CDIN1: variants seen among roughly 807,000 people sequenced by gnomAD.
CDIN1 encodes CDAN1 interacting nuclease 1, also known as CDAN1-interacting nuclease 1.
A neutral mutation model predicts 45.3 loss-of-function variants in CDIN1; 33 were observed. That is an observed-to-expected ratio of 0.73 (90% CI 0.55 to 0.97). The LOEUF is 0.97. Ranked by LOEUF, CDIN1 falls within the 50% of genes least tolerant of loss-of-function variation. CDIN1 has a pLI of 0.00. For synonymous variants in CDIN1, 118 were observed against 124.4 expected (o/e 0.95, Z 0.34); for missense variants, 303 against 339.4 (o/e 0.89, Z 0.84).
intron 10 of CDIN1, among the ~76,000 whole-genome samples, chr15:36,800,130 C>T (rs555001691): frequency 2.8e-4 from 42 of 152,088 alleles, no homozygotes; most frequent in African/African-American, 9.9e-4. Context: ...CATAAAGGCC[C>T]AAAGTGAATC....
chr15:36,662,670 T>A (rs1303082276), intron 5 of CDIN1, among the ~76,000 whole-genome samples: 1 of 152,110 alleles, frequency 6.6e-6, no homozygotes, highest in Admixed American at 6.5e-5. Context: ...CCTCTGCAGA[T>A]TGTCAAGAGC....
chr15:36,717,659 C>G (rs142229261), intron 10 of CDIN1, among the ~76,000 whole-genome samples: 5 of 152,026 alleles, frequency 3.3e-5, no homozygotes, highest in Non-Finnish European at 4.4e-5. Flanking sequence ...TTTCATTACT[C>G]TTGAGTAAAG....
intron 1 of CDIN1, chr15:36,627,169 CT>C: frequency 5.1e-6 from 1 of 196,608 alleles, no homozygotes; most frequent in Non-Finnish European, 1.1e-5. Context: ...CCTCTATGGC[CT>C]TGTTCCACTT....
rs943756931 is a variant in CDIN1 at position 36,709,924 on chromosome 15, G to A, written c.679G>A (p.Ala227Thr). ...ASFGDECSHH[A>T]YLHDQFWSYW... The stretch of plus-strand genomic sequence containing the variant: ...ATTTGGTGATGAATGTAGCCACCAC[G>A]CCTACCTGCATGACCAGTTCTGGAG... Residue 227 changes from alanine to threonine, a missense_variant, in exon 10 of 11, where the codon GCC (alanine) becomes ACC (threonine). Physicochemically the swap from Ala to Thr is moderately conservative, Grantham distance 58. Transcript: ENST00000566621. 3.7e-6 allele frequency: 6 copies of A among 1,613,086 alleles called. No individual in the cohort carries two copies. Among genetic ancestry groups the A allele is most frequent in the Non-Finnish European group, 5.1e-6 (6 of 1,179,376 alleles).
intron 10 of CDIN1, among the ~76,000 whole-genome samples, chr15:36,795,906 TG>T (rs60165139): frequency 1.6e-3 from 241 of 152,194 alleles, no homozygotes; most frequent in African/African-American, 5.6e-3. Context: ...CCATGTGAAA[TG>T]GTTCTTCCTG....
At chr15:36,761,045 A>AT (rs377559553) in intron 10 of CDIN1, among the ~76,000 whole-genome samples, 9 of 152,058 alleles carry the variant, frequency 5.9e-5, no homozygotes, top group African/African-American at 2.2e-4. Flanking sequence ...TTACTTTGAG[A>AT]TTTTTTGCCA....
At chr15:36,768,292 T>A (rs1049336131) in intron 10 of CDIN1, among the ~76,000 whole-genome samples, 12 of 152,202 alleles carry the variant, frequency 7.9e-5, no homozygotes, top group Admixed American at 7.2e-4. Flanking sequence ...AGTCCTAGGA[T>A]CCGTTTAGCT....
At chr15:36,788,091 TATATATATATA>T (rs1566973600) in intron 10 of CDIN1, among the ~76,000 whole-genome samples, 66 of 11,904 alleles carry the variant, frequency 5.5e-3, no homozygotes, top group South Asian at 0.013. Context: ...TATATATATA[TATATATATATA>T]TATATTTTTT....
chr15:36,720,310 G>A (rs954465237), intron 10 of CDIN1, among the ~76,000 whole-genome samples: 74 of 150,198 alleles, frequency 4.9e-4, no homozygotes, highest in African/African-American at 1.6e-3. Context: ...TAAGTTCTAG[G>A]GTACATGTGC....
chr15:36,739,049 T>C (rs2044135987), intron 10 of CDIN1, among the ~76,000 whole-genome samples: 2 of 152,202 alleles, frequency 1.3e-5, no homozygotes, highest in South Asian at 4.1e-4. Context: ...ACAAATCTAA[T>C]ATATATGCCA....
At chr15:36,782,289 C>T (rs946031277) in intron 10 of CDIN1, among the ~76,000 whole-genome samples, 1 of 152,020 alleles carries the variant, frequency 6.6e-6, no homozygotes, top group Admixed American at 6.6e-5. Context: ...TGTGGCTGCT[C>T]CCAAAAGGTG....
In CDIN1 at chr15:36,606,480, G is replaced by A. The variant is rs1045197875; in HGVS notation, c.101+26519G>A. 5.9e-5 allele frequency among the ~76,000 whole-genome samples: 9 copies of A among 152,188 alleles called. No homozygotes were observed. In the Middle Eastern group the frequency reaches 0.01, roughly 173 times the overall value. ...TAGAGGTGTACCCATAAAGAGATGCGGAAATGAAGCTTAGAAGGATTTCAT... is the reference window on the plus strand; with the variant it reads ...TAGAGGTGTACCCATAAAGAGATGCAGAAATGAAGCTTAGAAGGATTTCAT... On this transcript the variant is annotated intron_variant, in intron 1 of 10. Transcript: ENST00000566621.
intron 10 of CDIN1, among the ~76,000 whole-genome samples, chr15:36,800,909 G>GTGTGTGTA (rs1156514805): frequency 1.3e-4 from 3 of 22,390 alleles, no homozygotes; most frequent in South Asian, 4.3e-3. Flanking sequence ...GTGTGTGTGT[G>GTGTGTGTA]TATATATATA....
At chr15:36,733,619 T>C (rs1037922679) in intron 10 of CDIN1, among the ~76,000 whole-genome samples, 1 of 152,150 alleles carries the variant, frequency 6.6e-6, no homozygotes, top group African/African-American at 2.4e-5. Context: ...TCTGTTGTTA[T>C]TTTTTAAATC....
chr15:36,663,079 A>T (rs1466038378), intron 5 of CDIN1, among the ~76,000 whole-genome samples: 1 of 152,032 alleles, frequency 6.6e-6, no homozygotes, highest in Non-Finnish European at 1.5e-5. Flanking sequence ...CAAAGAAGAG[A>T]TGTGTTCTAG....
At chr15:36,588,431 G>A (rs1346539337) in intron 1 of CDIN1, among the ~76,000 whole-genome samples, 1 of 152,128 alleles carries the variant, frequency 6.6e-6, no homozygotes, top group Non-Finnish European at 1.5e-5. Flanking sequence ...TGGTGGACCT[G>A]AGTTCCAGAA....
At position 36,640,682 on chromosome 15, in the gene CDIN1, A is replaced by G. The variant is rs1056739670; in HGVS notation, c.102-3596A>G. The G allele has an allele frequency of 1.5e-5, 15 of 980,230 alleles. No individual in the cohort carries two copies. In the African/African-American group the frequency reaches 2.5e-4, roughly 16 times the overall value. The allele number at this position is 980,230 out of a possible 1,614,324, so 60.7% of individuals were successfully genotyped here. ...AAGGTTCTGCATGCTTTAGCTGTCCATCTGAAAACATAAGGACCTTACCCT... is the reference window on the plus strand; with the variant it reads ...AAGGTTCTGCATGCTTTAGCTGTCCGTCTGAAAACATAAGGACCTTACCCT... On this transcript the variant is annotated intron_variant, in intron 1 of 10. Coordinates refer to ENST00000566621, the MANE Select transcript of CDIN1 (RefSeq NM_001321759.2).
chr15:36,621,410 T>C (rs371593772), intron 1 of CDIN1, among the ~76,000 whole-genome samples: 3 of 152,338 alleles, frequency 2.0e-5, no homozygotes, highest in Admixed American at 6.5e-5. Context: ...CTTTGACTTA[T>C]TGTTAGCATG....
chr15:36,728,857 A>G (rs2140905188), intron 10 of CDIN1, among the ~76,000 whole-genome samples: 1 of 152,030 alleles, frequency 6.6e-6, no homozygotes, highest in Middle Eastern at 3.4e-3. Flanking sequence ...CTATTTTAGT[A>G]GAGACGGGGT....
Sources: allele counts gnomAD v4.1 joint callset (sites outside exome capture counted in the v4.1 genomes callset), GRCh38; gene constraint gnomAD v4.1.1; transcripts MANE v1.5; gene names NCBI Gene and HGNC (gene_info 2026-07-23, HGNC 2026-07-21).